The following SMIM20 variants were observed in gnomAD, a reference collection of about 807,000 sequenced individuals.
SMIM20 encodes mitochondrial translation regulation assembly intermediate of cytochrome c oxidase protein of 7 kDa.
A neutral mutation model predicts 8.7 loss-of-function variants in SMIM20; 3 were observed. The observed-to-expected ratio is 0.34, with a 90% CI of 0.16 to 0.89. The LOEUF (loss-of-function observed/expected upper bound fraction) is 0.89, where lower values mean the gene tolerates loss of function less well. Among genes scored for constraint, SMIM20 ranks in the 40% least tolerant of loss-of-function variants. The pLI is 0.49. For synonymous variants in SMIM20, 44 were observed against 33.6 expected, an observed-to-expected ratio of 1.31 and a Z score of -1.07; for missense variants, 85 against 84.8, an observed-to-expected ratio of 1.00 and a Z score of -0.01.
intron 1 of SMIM20, among the ~76,000 whole-genome samples, chr4:25,927,541 C>T (rs569145289): frequency 8.7e-4 from 133 of 152,330 alleles, no homozygotes; most frequent in African/African-American, 2.9e-3. Context: ...TAGTGGTAAA[C>T]GTCCTTTGGC....
intron 1 of SMIM20, among the ~76,000 whole-genome samples, chr4:25,920,511 G>A (rs531304147): frequency 6.6e-6 from 1 of 152,286 alleles, no homozygotes; most frequent in African/African-American, 2.4e-5. Context: ...TACTATAAGA[G>A]TCAAAAAGTT....
chr4:25,921,957 A>T (rs896103084), intron 1 of SMIM20, among the ~76,000 whole-genome samples: 16 of 152,212 alleles, frequency 1.1e-4, no homozygotes, highest in Non-Finnish European at 5.9e-5. Context: ...CTGCTTAGAG[A>T]CAGTAAAAGA....
chr4:25,918,923 A>T, intron 1 of SMIM20, among the ~76,000 whole-genome samples: 1 of 96,186 alleles, frequency 1.0e-5, no homozygotes, highest in South Asian at 3.7e-4. Flanking sequence ...TTTGAGACGG[A>T]GTCTCGCTCT....
At chr4:25,916,769 T>A (rs1465875462) in intron 1 of SMIM20, among the ~76,000 whole-genome samples, 2 of 152,194 alleles carry the variant, frequency 1.3e-5, no homozygotes, top group Admixed American at 1.3e-4. Flanking sequence ...TTGGCCAGGC[T>A]GGTCTTAAAC....
chr4:25,925,298 A>G (rs1473072804), intron 1 of SMIM20, among the ~76,000 whole-genome samples: 1 of 152,026 alleles, frequency 6.6e-6, no homozygotes, highest in African/African-American at 2.4e-5. Flanking sequence ...GTGCAGTGGC[A>G]TGATCTTGGC....
rs1711597520 is a variant in SMIM20 at position 25,929,660 on chromosome 4, T to C, written c.*469T>C. The C allele has an allele frequency of 6.5e-6, 1 of 153,540 alleles. No individual in the cohort carries two copies. Among genetic ancestry groups the C allele is most frequent in the Non-Finnish European group, 1.4e-5 (1 of 68,996 alleles). The allele number at this position is 153,540 out of a possible 1,614,324, so 9.5% of individuals were successfully genotyped here. ...AAATGTTCGAGTTGATAAAGCTCTT[T>C]GAGGACAAGGTACTTCGTGCACCTC... On this transcript the variant is annotated 3_prime_UTR_variant, in exon 3 of 3. Coordinates refer to ENST00000506197, the MANE Select transcript of SMIM20 (RefSeq NM_001145432.3).
chr4:25,927,513 C>T (rs1711537768), intron 1 of SMIM20, among the ~76,000 whole-genome samples: 2 of 152,236 alleles, frequency 1.3e-5, no homozygotes, highest in South Asian at 4.1e-4. Flanking sequence ...CCGATTATGA[C>T]ATTTCATTAC....
intron 1 of SMIM20, among the ~76,000 whole-genome samples, chr4:25,915,804 C>T (rs551447785): frequency 7.3e-4 from 95 of 130,614 alleles, no homozygotes; most frequent in Non-Finnish European, 1.4e-3. Context: ...TTTTGCCCCG[C>T]AGGATATTTG....
chr4:25,923,668 C>T (rs1012660124), intron 1 of SMIM20, among the ~76,000 whole-genome samples: 3 of 152,206 alleles, frequency 2.0e-5, no homozygotes, highest in South Asian at 2.1e-4. Flanking sequence ...TGTTGATTTC[C>T]GCTGCACCTT....
At chr4:25,916,665 T>C (rs1162852506) in intron 1 of SMIM20, among the ~76,000 whole-genome samples, 1 of 152,152 alleles carries the variant, frequency 6.6e-6, no homozygotes, top group Non-Finnish European at 1.5e-5. Flanking sequence ...AAGTGATTCT[T>C]GTGCCTCAGC....
chr4:25,922,851 A>C (rs1053453250), intron 1 of SMIM20, among the ~76,000 whole-genome samples: 1 of 152,194 alleles, frequency 6.6e-6, no homozygotes, highest in Non-Finnish European at 1.5e-5. Context: ...GGTACGTTCC[A>C]GGGTCTCTGC....
chr4:25,914,900 T>G (rs2109361159), intron 1 of SMIM20, among the ~76,000 whole-genome samples: 1 of 152,242 alleles, frequency 6.6e-6, no homozygotes, highest in African/African-American at 2.4e-5. Flanking sequence ...ACACAGCAAG[T>G]AAGTGACAAG....
At chr4:25,915,055 G>GT (rs1233872932) in intron 1 of SMIM20, among the ~76,000 whole-genome samples, 4 of 152,140 alleles carry the variant, frequency 2.6e-5, no homozygotes, top group Non-Finnish European at 4.4e-5. Context: ...TCCCCAAGAT[G>GT]TTTTTTGAGT....
At chr4:25,919,955 G>A (rs1004930191) in intron 1 of SMIM20, among the ~76,000 whole-genome samples, 15 of 152,098 alleles carry the variant, frequency 9.9e-5, no homozygotes, top group African/African-American at 3.6e-4. Flanking sequence ...ACTCACCGAC[G>A]CTGCTTACAT....
intron 1 of SMIM20, among the ~76,000 whole-genome samples, chr4:25,922,896 A>G (rs1007111430): frequency 6.6e-6 from 1 of 152,218 alleles, no homozygotes; most frequent in African/African-American, 2.4e-5. Context: ...AAAGAAGGGG[A>G]AGCCTGCTTA....
At position 25,914,391 on chromosome 4, in the gene SMIM20, C is replaced by T. The variant is rs1353751681; in HGVS notation, c.78C>T (p.Tyr26=). ...SLIGAAFYPI[Y]FRPLMRLEEY... ...TCGGCGCCGCCTTCTATCCCATCTACTTCCGGCCCCTAATGAGATTGGAGG... is the reference window on the plus strand; with the variant it reads ...TCGGCGCCGCCTTCTATCCCATCTATTTCCGGCCCCTAATGAGATTGGAGG... The change falls in exon 1 of 3, where the codon TAC becomes TAT. Residue 26 remains tyrosine, a synonymous_variant. Coordinates refer to ENST00000506197, the MANE Select transcript of SMIM20 (RefSeq NM_001145432.3). 5 of 1,534,412 alleles carry T rather than the reference C, an allele frequency of 3.3e-6. No homozygotes were observed. Among genetic ancestry groups the T allele is most frequent in the Non-Finnish European group, 4.4e-6 (5 of 1,136,518 alleles).
intron 1 of SMIM20, among the ~76,000 whole-genome samples, chr4:25,925,318 C>A (rs903369771): frequency 6.6e-6 from 1 of 152,050 alleles, no homozygotes; most frequent in Admixed American, 6.6e-5. Flanking sequence ...CTGACTACAA[C>A]CTCTGACCCC....
chr4:25,921,677 A>G (rs1433387712), intron 1 of SMIM20, among the ~76,000 whole-genome samples: 3 of 152,238 alleles, frequency 2.0e-5, no homozygotes, highest in South Asian at 2.1e-4. Flanking sequence ...ATGGGGCATC[A>G]TCAGCACGTG....
intron 1 of SMIM20, among the ~76,000 whole-genome samples, chr4:25,920,339 G>T (rs180841883): frequency 6.6e-6 from 1 of 151,986 alleles, no homozygotes; most frequent in African/African-American, 2.4e-5. Flanking sequence ...ACCCTGTGTG[G>T]GCCTAGGCTA....
Sources: allele counts gnomAD v4.1 joint callset (sites outside exome capture counted in the v4.1 genomes callset), GRCh38; gene constraint gnomAD v4.1.1; transcripts MANE v1.5; gene names NCBI Gene and HGNC (gene_info 2026-07-23, HGNC 2026-07-21).